Variants in ARHGAP19 observed in about 807,000 individuals in gnomAD.
ARHGAP19 encodes the protein rho GTPase-activating protein 19.
A neutral mutation model predicts 60.9 loss-of-function variants in ARHGAP19; 48 were observed. The ratio of observed to expected loss-of-function variants is 0.79; its 90% confidence interval spans 0.62 to 1.00. The LOEUF (loss-of-function observed/expected upper bound fraction) is 1.00, where lower values mean the gene tolerates loss of function less well. Among genes scored for constraint, ARHGAP19 ranks in the 50% least tolerant of loss-of-function variants. The pLI, the probability that ARHGAP19 is intolerant of heterozygous loss-of-function variation, is 0.00. For synonymous variants in ARHGAP19, 209 were observed against 215.5 expected (o/e 0.97, Z 0.27); for missense variants, 562 against 597.2 (o/e 0.94, Z 0.61).
At chr10:97,252,680 A>G (rs1842702327) in intron 6 of ARHGAP19, among the ~76,000 whole-genome samples, 1 of 152,140 alleles carries the variant, frequency 6.6e-6, no homozygotes, top group Non-Finnish European at 1.5e-5. Context: ...TGTGAAGAAA[A>G]GGGAACTCTT....
At chr10:97,243,921 CG>C (rs1288513650) in intron 8 of ARHGAP19, 46 bp downstream of exon 8, 15 of 1,487,280 alleles carry the variant, frequency 1.0e-5, no homozygotes, top group Non-Finnish European at 1.3e-5. Flanking sequence ...TCTACAACCA[CG>C]ATTACACTCC....
Position 97,230,014 on chromosome 10 carries a change from CA to C in ARHGAP19, c.1285-141del. On this transcript the variant is annotated intron_variant, in intron 9 of 11. Transcript: ENST00000358531. ...TAATCCTGTATGGACCCTCTCAGGC[CA>C]TCTTATACAAGAGAGGCCAAAGCAT... 14 of 614,386 alleles carry C rather than the reference CA, an allele frequency of 2.3e-5. No homozygotes were observed. In the South Asian group the frequency reaches 3.3e-4, roughly 14 times the overall value. The allele number at this position is 614,386 out of a possible 1,614,324, so 38.1% of individuals were successfully genotyped here.
At chr10:97,232,251 C>A (rs1851037695) in intron 9 of ARHGAP19, among the ~76,000 whole-genome samples, 2 of 147,788 alleles carry the variant, frequency 1.4e-5, no homozygotes. Context: ...GCAACCTCTG[C>A]CTCCTGGGTT....
intron 9 of ARHGAP19, among the ~76,000 whole-genome samples, chr10:97,231,059 C>CAAAAAAAAAAAAAAAAAAAAAAAAAA (rs869291841): frequency 8.4e-5 from 5 of 59,764 alleles, no homozygotes; most frequent in African/African-American, 2.8e-4. Flanking sequence ...CTTGTCTCAC[C>CAAAAAAAAAAAAAAAAAAAAAAAAAA]AAAAAAAAAA....
At chr10:97,247,121 G>A (rs1842574954) in intron 6 of ARHGAP19, among the ~76,000 whole-genome samples, 1 of 151,050 alleles carries the variant, frequency 6.6e-6, no homozygotes, top group Non-Finnish European at 1.5e-5. Context: ...TGGGCAACAA[G>A]AGCGAAACTC....
chr10:97,281,230 A>C, intron 1 of ARHGAP19, among the ~76,000 whole-genome samples: 1 of 151,824 alleles, frequency 6.6e-6, no homozygotes, highest in Non-Finnish European at 1.5e-5. Flanking sequence ...AAAAAAAAAA[A>C]AAAAAAAAAA....
At chr10:97,278,872 T>TA (rs1843050629) in intron 1 of ARHGAP19, among the ~76,000 whole-genome samples, 1 of 152,026 alleles carries the variant, frequency 6.6e-6, no homozygotes, top group South Asian at 2.1e-4. Context: ...CAAAACTGCA[T>TA]ACCCACAAAA....
intron 4 of ARHGAP19, among the ~76,000 whole-genome samples, chr10:97,259,993 G>A (rs922997510): frequency 1.5e-4 from 22 of 151,158 alleles, no homozygotes; most frequent in Non-Finnish European, 2.8e-4. Flanking sequence ...CCGCCACCAC[G>A]CCCGGCTAAT....
intron 6 of ARHGAP19, among the ~76,000 whole-genome samples, chr10:97,256,110 C>T (rs962972980): frequency 6.6e-6 from 1 of 152,098 alleles, no homozygotes; most frequent in Non-Finnish European, 1.5e-5. Context: ...AGTCAGTTAC[C>T]CAGAGGACCC....
chr10:97,232,154 ATTTTTT>A (rs1170639718), intron 9 of ARHGAP19, among the ~76,000 whole-genome samples: 3 of 56,302 alleles, frequency 5.3e-5, no homozygotes, highest in Non-Finnish European at 6.9e-5. Flanking sequence ...TTTGCTCACT[ATTTTTT>A]TTTTTTTTTT....
intron 8 of ARHGAP19, among the ~76,000 whole-genome samples, chr10:97,243,284 A>C (rs1379618876): frequency 6.6e-6 from 1 of 152,230 alleles, no homozygotes; most frequent in Non-Finnish European, 1.5e-5. Flanking sequence ...ATAAAAGTCA[A>C]GAGGCTGACC....
chr10:97,240,535 C>T (rs1842462519), intron 8 of ARHGAP19, among the ~76,000 whole-genome samples: 1 of 152,168 alleles, frequency 6.6e-6, no homozygotes, highest in South Asian at 2.1e-4. Context: ...ACTATAATCT[C>T]AGTTACTCGG....
chr10:97,261,416 G>A (rs1842828481), intron 4 of ARHGAP19, among the ~76,000 whole-genome samples: 1 of 152,152 alleles, frequency 6.6e-6, no homozygotes, highest in African/African-American at 2.4e-5. Context: ...GTCAATCACA[G>A]GGTAGTGGAA....
In ARHGAP19 at chr10:97,265,930, G is replaced by T; in HGVS notation, c.252C>A (p.Asp84Glu). The change falls in exon 2 of 12, where the codon GAC becomes GAA. Residue 84 changes from aspartate (D) to glutamate (E), a missense_variant. Asp to Glu is a conservative substitution (Grantham distance 45). Coordinates refer to ENST00000358531, the MANE Select transcript of ARHGAP19 (RefSeq NM_032900.6). ...TELAQLMGEVDLKLPGGAGPA... is the reference protein window; with the variant it reads ...TELAQLMGEVELKLPGGAGPA... ...GGCCAGCCCCGCCAGGCAACTTAAG[G>T]TCCACTTCCCCCATCAGCTGAGCCA... 6.2e-7 allele frequency: 1 copy of T among 1,614,060 alleles called. No homozygotes were observed.
intron 1 of ARHGAP19, among the ~76,000 whole-genome samples, chr10:97,282,489 A>C (rs1843097676): frequency 1.3e-5 from 2 of 152,166 alleles, no homozygotes. Context: ...CTTTTTGCTT[A>C]AGCTAGTTTT....
At chr10:97,251,313 A>G (rs1157476181) in intron 6 of ARHGAP19, among the ~76,000 whole-genome samples, 1 of 41,460 alleles carries the variant, frequency 2.4e-5, no homozygotes, top group African/African-American at 1.1e-4. Flanking sequence ...AAGGAAGGGA[A>G]GGGGAAGGGA....
intron 1 of ARHGAP19, among the ~76,000 whole-genome samples, chr10:97,279,830 T>A (rs1843061703): frequency 6.6e-6 from 1 of 152,178 alleles, no homozygotes; most frequent in African/African-American, 2.4e-5. Flanking sequence ...AAAATTAAAC[T>A]GGCAAACTAT....
intron 4 of ARHGAP19, among the ~76,000 whole-genome samples, chr10:97,260,933 T>TA (rs1842822145): frequency 7.1e-6 from 1 of 141,708 alleles, no homozygotes; most frequent in Non-Finnish European, 1.5e-5. Flanking sequence ...ATCTCTATAT[T>TA]TAAAAAAAAA....
intron 4 of ARHGAP19, among the ~76,000 whole-genome samples, chr10:97,260,692 A>G (rs1192752541): frequency 6.6e-6 from 1 of 152,200 alleles, no homozygotes; most frequent in Non-Finnish European, 1.5e-5. Context: ...GCTGGTGGGC[A>G]TATAAAATGA....
Sources: allele counts gnomAD v4.1 joint callset (sites outside exome capture counted in the v4.1 genomes callset), GRCh38; gene constraint gnomAD v4.1.1; transcripts MANE v1.5; gene names NCBI Gene and HGNC (gene_info 2026-07-23, HGNC 2026-07-21).